Variants in CD47 observed in about 807,000 individuals in gnomAD.
The protein encoded by CD47 is leukocyte surface antigen CD47.
A neutral mutation model predicts 44.6 loss-of-function variants in CD47; 11 were observed. That is an observed-to-expected ratio of 0.25 (90% CI 0.16 to 0.41). The LOEUF (loss-of-function observed/expected upper bound fraction) is 0.41. Among genes scored for constraint, CD47 ranks in the 10% least tolerant of loss-of-function variants. The probability of loss-of-function intolerance (pLI) is 1.00; values close to 1 mark genes in which losing one functional copy is unlikely to be tolerated. For synonymous variants in CD47, 140 were observed against 136.3 expected (o/e 1.03, Z -0.19); for missense variants, 306 against 386.7 (o/e 0.79, Z 1.75).
chr3:108,078,827 G>A (rs2079359956), intron 2 of CD47, among the ~76,000 whole-genome samples: 1 of 151,896 alleles, frequency 6.6e-6, no homozygotes, highest in Non-Finnish European at 1.5e-5. Flanking sequence ...AACATCCCAG[G>A]AAAACAACTA....
At chr3:108,067,542 G>A (rs2079126083) in intron 3 of CD47, among the ~76,000 whole-genome samples, 1 of 152,210 alleles carries the variant, frequency 6.6e-6, no homozygotes, top group Non-Finnish European at 1.5e-5. Context: ...AAATCAGCCA[G>A]GAACTTAATT....
At chr3:108,048,371 G>GAT (rs1559971847) in intron 10 of CD47, among the ~76,000 whole-genome samples, 1 of 79,582 alleles carries the variant, frequency 1.3e-5, no homozygotes, top group Non-Finnish European at 2.3e-5. Context: ...TGACTGGAGT[G>GAT]TTTTTTTTTT....
chr3:108,044,038 G>C lies in CD47; in HGVS notation c.*3250C>G, dbSNP rs954828468. ...AATAAAATACAATAAAAAATAAACGGTTGCCCGACAATCATTTCTCCAGTT... is the reference window on the plus strand; with the variant it reads ...AATAAAATACAATAAAAAATAAACGCTTGCCCGACAATCATTTCTCCAGTT... On this transcript the variant is annotated 3_prime_UTR_variant, in exon 11 of 11. Transcript: ENST00000361309. The C allele has an allele frequency of 6.6e-6, 1 of 152,536 alleles. No individual in the cohort carries two copies. The highest frequency in any genetic ancestry group is 1.5e-5 in the Non-Finnish European group (1 of 68,020). 9.4% of individuals were successfully genotyped at this position (152,536 alleles called of 1,614,324 possible). A position where few individuals can be genotyped will look rare whatever the true frequency, so the allele number is the denominator to read the frequency against.
chr3:108,086,266 CAT>C (rs2079519220), intron 1 of CD47, among the ~76,000 whole-genome samples: 1 of 150,040 alleles, frequency 6.7e-6, no homozygotes, highest in Non-Finnish European at 1.5e-5. Context: ...AAAAAAAAAA[CAT>C]TGACAGCAGT....
intron 2 of CD47, among the ~76,000 whole-genome samples, chr3:108,071,430 T>C (rs2079199569): frequency 6.6e-6 from 1 of 152,202 alleles, no homozygotes; most frequent in African/African-American, 2.4e-5. Context: ...TTTCTTATGT[T>C]TCACGGGAGG....
At chr3:108,060,964 T>G (rs1298149344) in intron 3 of CD47, 112 bp from the exon 4 acceptor site, 5 of 671,568 alleles carry the variant, frequency 7.4e-6, no homozygotes, top group African/African-American at 3.6e-5. Context: ...TAATAACTTA[T>G]GAGGAACAAC....
chr3:108,043,440 A>C lies in CD47; in HGVS notation c.*3848T>G, dbSNP rs1440818874. ...ACAGTGATAAATTGATTTAATACAT[A>C]TAAAAAAAAAAACCTTTAACGGTAA... On this transcript the variant is annotated 3_prime_UTR_variant, in exon 11 of 11. Transcript: ENST00000361309. The C allele has an allele frequency of 3.9e-5, 6 of 152,326 alleles. No individual in the cohort carries two copies. The highest frequency in any genetic ancestry group is 8.8e-5 in the Non-Finnish European group (6 of 67,998). 9.4% of individuals were successfully genotyped at this position (152,326 alleles called of 1,614,324 possible).
At chr3:108,058,945 C>T (rs2078964660) in intron 5 of CD47, among the ~76,000 whole-genome samples, 1 of 152,178 alleles carries the variant, frequency 6.6e-6, no homozygotes, top group Admixed American at 6.5e-5. Context: ...TAGTGATCTA[C>T]TTTCAAAATG....
chr3:108,050,883 C>G, intron 8 of CD47: 1 of 414,810 alleles, frequency 2.4e-6, no homozygotes. Context: ...ATTCTAACTT[C>G]TAAAAATATG....
intron 1 of CD47, among the ~76,000 whole-genome samples, chr3:108,081,989 C>T (rs957662721): frequency 1.5e-4 from 23 of 151,912 alleles, no homozygotes; most frequent in Admixed American, 6.6e-5. Context: ...CCTGGACTTC[C>T]GTTGCATTCT....
rs1260253903 is a variant in CD47 at position 108,045,335 on chromosome 3, T to G, written c.*1953A>C. On this transcript the variant is annotated 3_prime_UTR_variant, in exon 11 of 11. Coordinates refer to ENST00000361309, the MANE Select transcript of CD47 (RefSeq NM_001777.4). ...GATCTTTTTCAAGTCCATCTGCTTTTCCCTCCTTTCATCAAAACTGATTTT... is the reference window on the plus strand; with the variant it reads ...GATCTTTTTCAAGTCCATCTGCTTTGCCCTCCTTTCATCAAAACTGATTTT... 1 of 152,650 alleles carries G rather than the reference T, an allele frequency of 6.6e-6. No individual in the cohort carries two copies. Among genetic ancestry groups the G allele is most frequent in the Non-Finnish European group, 1.5e-5 (1 of 68,048 alleles). 9.5% of individuals were successfully genotyped at this position (152,650 alleles called of 1,614,324 possible).
chr3:108,050,859 T>C, intron 8 of CD47: 1 of 451,670 alleles, frequency 2.2e-6, no homozygotes, highest in Non-Finnish European at 4.3e-6. Flanking sequence ...ACTTCACCAC[T>C]CTCAGCTCAA....
chr3:108,047,478 A>G (rs1331721818), intron 10 of CD47, among the ~76,000 whole-genome samples, 186 bp from the exon 11 acceptor site: 1 of 152,266 alleles, frequency 6.6e-6, no homozygotes, highest in Non-Finnish European at 1.5e-5. Context: ...AAAAAGGCCA[A>G]TGCCAAATGA....
chr3:108,069,920 T>C (rs1236472244), intron 3 of CD47, among the ~76,000 whole-genome samples: 1 of 152,148 alleles, frequency 6.6e-6, no homozygotes, highest in East Asian at 1.9e-4. Context: ...ATAAGAAAAT[T>C]TCCAAAAGAA....
chr3:108,057,595 T>C (rs758049995), intron 6 of CD47, 26 bp from the exon 7 acceptor site: 1 of 1,086,672 alleles, frequency 9.2e-7, no homozygotes, highest in Non-Finnish European at 1.4e-6. Flanking sequence ...AAATTCTGTA[T>C]TAGAAAAGCA....
At position 108,044,415 on chromosome 3, in the gene CD47, C is replaced by CAAAAAAAAAAAA. The variant is rs55777019; in HGVS notation, c.*2861_*2872dup. On this transcript the variant is annotated 3_prime_UTR_variant, in exon 11 of 11. Coordinates refer to ENST00000361309, the MANE Select transcript of CD47 (RefSeq NM_001777.4). ...GGTTTTTAGAGCATGTGAAATTAGTCAAAAAAAAAAAAAAAAAAAAAAAAA... is the reference window on the plus strand; with the variant it reads ...GGTTTTTAGAGCATGTGAAATTAGTCAAAAAAAAAAAAAAAAAAAAAAAAAAAAAAAAAAAAA... The CAAAAAAAAAAAA allele has an allele frequency of 2.9e-5, 1 of 34,106 alleles. No homozygotes were observed. Among genetic ancestry groups the CAAAAAAAAAAAA allele is most frequent in the African/African-American group, 9.6e-5 (1 of 10,448 alleles). The allele number at this position is 34,106 out of a possible 1,614,324, so 2.1% of individuals were successfully genotyped here.
chr3:108,078,790 C>G (rs1307596978), intron 2 of CD47, among the ~76,000 whole-genome samples: 1 of 152,014 alleles, frequency 6.6e-6, no homozygotes, highest in African/African-American at 2.4e-5. Context: ...CTAACTTCAA[C>G]AACTTGATAC....
intron 9 of CD47, 87 bp from the exon 10 acceptor site, chr3:108,049,738 C>T (rs1303827595): frequency 8.0e-6 from 7 of 872,438 alleles, no homozygotes; most frequent in Non-Finnish European, 1.4e-5. Flanking sequence ...CAATGATATG[C>T]TAACTAGTCT....
At chr3:108,083,705 T>C (rs568408721) in intron 1 of CD47, among the ~76,000 whole-genome samples, 1 of 152,108 alleles carries the variant, frequency 6.6e-6, no homozygotes, top group Admixed American at 6.5e-5. Context: ...TCTTTACCAT[T>C]TTACATATTT....
Sources: gnomAD v4.1 joint callset for allele counts (sites outside exome capture counted in the v4.1 genomes callset) on GRCh38, gnomAD v4.1.1 for gene constraint, MANE v1.5 for transcripts, NCBI Gene and HGNC (gene_info 2026-07-23, HGNC 2026-07-21) for gene names.